Variants in PIK3R4 observed in about 807,000 individuals in gnomAD.
PIK3R4 encodes the protein phosphoinositide-3-kinase regulatory subunit 4.
PIK3R4 carries 46 observed loss-of-function variants against 136.5 expected under a neutral mutation model. The ratio of observed to expected loss-of-function variants is 0.34; its 90% CI spans 0.27 to 0.43. The LOEUF is 0.43. PIK3R4 is among the 20% of genes least tolerant of loss of function. The pLI is 1.00. For synonymous variants in PIK3R4, 557 were observed against 566.7 expected (o/e 0.98, Z 0.24); for missense variants, 1,331 against 1,649.5 (o/e 0.81, Z 3.35).
chr3:130,723,305 AC>A, intron 7 of PIK3R4, 108 bp downstream of exon 7: 2 of 881,130 alleles, frequency 2.3e-6, no homozygotes, highest in East Asian at 2.6e-5. Flanking sequence ...AATAGTAGGA[AC>A]CCCACACAAT....
chr3:130,723,491 G>A lies in PIK3R4; in HGVS notation c.1904C>T (p.Ala635Val), dbSNP rs1263963846. 6.2e-7 allele frequency: 1 copy of A among 1,614,050 alleles called. No individual in the cohort carries two copies. The highest frequency in any genetic ancestry group is 1.1e-5 in the South Asian group (1 of 91,076). Residue 635 changes from alanine (A) to valine (V), a missense_variant, in exon 7 of 20, where the codon GCT (alanine) becomes GTT (valine). By Grantham distance (64) the Ala-to-Val change is moderately conservative. Around this residue, in one of 2 missense-constraint regions of PIK3R4, gnomAD observed 1,180 missense variants for 1,407.0 expected, o/e 0.84. Coordinates refer to ENST00000356763, the MANE Select transcript of PIK3R4 (RefSeq NM_014602.3). ...SDAEEFVIVK[A>V]LYALTCMCQL... Reference sequence around the variant, plus strand: ...GCACATACAAGTAAGGGCATAAAGAGCTTTCACAATGACAAATTCCTCAGC... The same window carrying A: ...GCACATACAAGTAAGGGCATAAAGAACTTTCACAATGACAAATTCCTCAGC...
In PIK3R4 at chr3:130,688,051, A is replaced by T. The variant is rs965092177; in HGVS notation, c.3264-1629T>A. Among the ~76,000 whole-genome samples the T allele has an allele frequency of 2.0e-5, 3 of 152,190 alleles. 1 individual carries two copies. The highest frequency in any genetic ancestry group is 2.0e-4 in the Admixed American group (3 of 15,280). Reference sequence around the variant, plus strand: ...CATGTGGACACATCTATATTTCTGCATCTGTTCGTGTGTTTGTATACATGT... The same window carrying T: ...CATGTGGACACATCTATATTTCTGCTTCTGTTCGTGTGTTTGTATACATGT... On this transcript the variant is annotated intron_variant, in intron 14 of 19. Coordinates refer to ENST00000356763, the MANE Select transcript of PIK3R4 (RefSeq NM_014602.3).
At chr3:130,742,179 T>A (rs549478479) in intron 2 of PIK3R4, among the ~76,000 whole-genome samples, 58 of 152,272 alleles carry the variant, frequency 3.8e-4, no homozygotes, top group African/African-American at 1.3e-3. Flanking sequence ...ATTCAAATCT[T>A]AAGAGCACTG....
chr3:130,679,594 A>AT, intron 19 of PIK3R4, 109 bp from the exon 20 acceptor site: 1 of 720,566 alleles, frequency 1.4e-6, no homozygotes, highest in South Asian at 1.9e-5. Context: ...TTAAGTTAAC[A>AT]CCTTTTGTAG....
rs368715993 is a variant in PIK3R4, at chr3:130,733,718, T to C, written c.1280A>G (p.Asn427Ser). 5.6e-6 allele frequency: 9 copies of C among 1,614,060 alleles called. No homozygotes were observed. The highest frequency in any genetic ancestry group is 1.1e-5 in the South Asian group (1 of 91,090). ...AGCCCTCACCCTAGGAACAGAGTCA[T>C]TGCTGAAATGCAAAAGATATGGAGT... ...RITPYLLHFSNDSVPRVRAEA... is the reference protein window; with the variant it reads ...RITPYLLHFSSDSVPRVRAEA... Residue 427 changes from asparagine (N) to serine (S), a missense_variant, in exon 4 of 20, where the codon AAT (asparagine) becomes AGT (serine). This residue lies in a region of PIK3R4 where 1,180 missense variants were observed against 1,407.0 expected (regional missense o/e 0.84). Transcript: ENST00000356763.
chr3:130,684,153 A>G (rs2066474754), intron 16 of PIK3R4, 97 bp downstream of exon 16: 3 of 1,071,344 alleles, frequency 2.8e-6, no homozygotes, highest in Admixed American at 1.9e-5. Context: ...TTCAGTTCAT[A>G]TGTAAAATAA....
intron 13 of PIK3R4, among the ~76,000 whole-genome samples, chr3:130,703,238 C>T (rs1029002190): frequency 3.9e-5 from 6 of 152,210 alleles, no homozygotes; most frequent in Non-Finnish European, 8.8e-5. Flanking sequence ...TCCTCCACCT[C>T]GCTCACTTTG....
At position 130,679,455 on chromosome 3, in the gene PIK3R4, T is replaced by C. The variant is rs751245059; in HGVS notation, c.3937A>G (p.Ser1313Gly). Residue 1313 changes from serine (S) to glycine (G), a missense_variant, in exon 20 of 20, where the codon AGT becomes GGT. By Grantham distance (56) the Ser-to-Gly change is moderately conservative (BLOSUM62 0). Transcript: ENST00000356763. ...GGGCCCCTTCGAGGGGTGTCATCACTTGGTCCTACTTTCTGCTTATTCTGA... is the reference window on the plus strand; with the variant it reads ...GGGCCCCTTCGAGGGGTGTCATCACCTGGTCCTACTTTCTGCTTATTCTGA... ...EIQNKQKVGP[S>G]DDTPRRGPES... The C allele has an allele frequency of 6.2e-7, 1 of 1,612,196 alleles. No individual in the cohort carries two copies. Among genetic ancestry groups the C allele is most frequent in the East Asian group, 2.2e-5 (1 of 44,836 alleles).
intron 9 of PIK3R4, among the ~76,000 whole-genome samples, chr3:130,715,422 C>A (rs2066659164): frequency 6.6e-6 from 1 of 152,066 alleles, no homozygotes; most frequent in Non-Finnish European, 1.5e-5. Flanking sequence ...CGGCACCCGG[C>A]CTGTTTCCTG....
At chr3:130,721,159 C>A (rs1274152217) in intron 7 of PIK3R4, among the ~76,000 whole-genome samples, 5 of 150,704 alleles carry the variant, frequency 3.3e-5, no homozygotes, top group Admixed American at 1.3e-4. Flanking sequence ...CACGGTGAAA[C>A]CCCGTCTCTA....
chr3:130,727,467 C>A (rs1277430651), intron 6 of PIK3R4, among the ~76,000 whole-genome samples: 2 of 152,212 alleles, frequency 1.3e-5, no homozygotes, highest in Non-Finnish European at 2.9e-5. Flanking sequence ...TCGTGATCCG[C>A]CCGCCTCGGC....
rs1384618133 is a variant in PIK3R4, at chr3:130,718,256, G to C, written c.2127+133C>G. 11 of 721,566 alleles carry C rather than the reference G, an allele frequency of 1.5e-5. No individual in the cohort carries two copies. In the East Asian group the frequency reaches 2.8e-4, roughly 19 times the overall value. 44.7% of individuals were successfully genotyped at this position (721,566 alleles called of 1,614,324 possible). ...TTGGTTCATTAACATTAATTAGCTT[G>C]AAAGGAATATAAACATGCTATAGCC... is the stretch of plus-strand genomic sequence containing the variant. On this transcript the variant is annotated intron_variant, in intron 8 of 19. Transcript: ENST00000356763.
chr3:130,735,238 A>C (rs1409864889), intron 3 of PIK3R4, among the ~76,000 whole-genome samples: 1 of 152,200 alleles, frequency 6.6e-6, no homozygotes, highest in Non-Finnish European at 1.5e-5. Context: ...TATTCTAAAC[A>C]CACCACAATC....
rs1361253526 is a variant in PIK3R4 at position 130,712,857 on chromosome 3, T to G, written c.2331+3539A>C. Among the ~76,000 whole-genome samples, 19 of 152,256 alleles carry G rather than the reference T, an allele frequency of 1.2e-4. No homozygotes were observed. In the East Asian group the frequency reaches 3.5e-3, roughly 28 times the overall value. On this transcript the variant is annotated intron_variant, in intron 9 of 19. Coordinates refer to ENST00000356763, the MANE Select transcript of PIK3R4 (RefSeq NM_014602.3). Reference sequence around the variant, plus strand: ...ACATGGGCTTCTCCCTAAGTCTGTATAAAACCCAAGCCAGCTTCTGGGTCT... The same window carrying G: ...ACATGGGCTTCTCCCTAAGTCTGTAGAAAACCCAAGCCAGCTTCTGGGTCT...
intron 9 of PIK3R4, among the ~76,000 whole-genome samples, chr3:130,715,348 T>A (rs1426892102): frequency 6.6e-6 from 1 of 152,070 alleles, no homozygotes; most frequent in Non-Finnish European, 1.5e-5. Flanking sequence ...GGTCTGGAAT[T>A]CCTGACCTCG....
intron 2 of PIK3R4, among the ~76,000 whole-genome samples, chr3:130,736,643 T>C (rs1292923599): frequency 6.6e-6 from 1 of 152,022 alleles, no homozygotes; most frequent in Non-Finnish European, 1.5e-5. Context: ...ACAATTTACA[T>C]AGAGTGATAA....
At chr3:130,712,317 A>C (rs2066637021) in intron 9 of PIK3R4, among the ~76,000 whole-genome samples, 3 of 152,294 alleles carry the variant, frequency 2.0e-5, no homozygotes, top group African/African-American at 7.2e-5. Flanking sequence ...AGAAGTGTTC[A>C]TATTGCCTGC....
intron 19 of PIK3R4, 92 bp downstream of exon 19, chr3:130,680,521 C>T (rs529994891): frequency 2.4e-5 from 15 of 612,762 alleles, no homozygotes; most frequent in Non-Finnish European, 3.7e-5. Flanking sequence ...AAGTACTCCT[C>T]GCTTGGTCAA....
In PIK3R4 at chr3:130,679,219, G is replaced by C. The variant is rs2066438327; in HGVS notation, c.*96C>G. On this transcript the variant is annotated 3_prime_UTR_variant, in exon 20 of 20. Transcript: ENST00000356763. ...AACAGTAATATGGAGACATAATTTT[G>C]AAAATTAAGCAAATGAATCTGTTCT... is the stretch of plus-strand genomic sequence containing the variant. 2 of 735,226 alleles carry C rather than the reference G, an allele frequency of 2.7e-6. No homozygotes were observed. The highest frequency in any genetic ancestry group is 4.0e-6 in the Non-Finnish European group (2 of 498,236). 45.5% of individuals were successfully genotyped at this position (735,226 alleles called of 1,614,324 possible).
Sources: gnomAD v4.1 joint callset for allele counts (sites outside exome capture counted in the v4.1 genomes callset) on GRCh38, gnomAD v4.1.1 for gene constraint, gnomAD v4.1.1 regional missense constraint, MANE v1.5 for transcripts, NCBI Gene and HGNC (gene_info 2026-07-23, HGNC 2026-07-21) for gene names.